CSF3: variants seen among roughly 807,000 people sequenced by gnomAD.
CSF3 encodes the protein granulocyte colony-stimulating factor.
In CSF3, 17 loss-of-function variants were observed where a neutral mutation model predicts 20.2. That is an observed-to-expected ratio of 0.84 (90% confidence interval 0.58 to 1.26). The LOEUF (loss-of-function observed/expected upper bound fraction) is 1.26, where lower values mean the gene tolerates loss of function less well. Ranked by LOEUF, CSF3 falls within the 50% of genes most tolerant of loss-of-function variation. The pLI, the probability that CSF3 is intolerant of heterozygous loss-of-function variation, is 0.00. For missense variants in CSF3, 210 were observed against 256.0 expected, an observed-to-expected ratio of 0.82 and a Z score of 1.23; for synonymous variants, 125 against 115.3, an observed-to-expected ratio of 1.08 and a Z score of -0.54.
rs1981450750 is a variant in CSF3 at position 40,017,103 on chromosome 17, G to A, written c.*144G>A. The A allele has an allele frequency of 5.2e-6, 4 of 769,576 alleles. No individual in the cohort carries two copies. The East Asian group carries it at 1.2e-4, about 23-fold the overall frequency. 47.7% of individuals were successfully genotyped at this position (769,576 alleles called of 1,614,324 possible). On this transcript the variant is annotated 3_prime_UTR_variant, in exon 5 of 5. Transcript: ENST00000394149. ...ATTTCTGAGTTTCATTCTCCTGCCT[G>A]TAGCAGTGAGAAAAAGCTCCTGTCC...
At position 40,016,938 on chromosome 17, in the gene CSF3, A is replaced by G. The variant is rs1465513159; in HGVS notation, c.594A>G (p.Leu198=). ...TCCTGGAGGTGTCGTACCGCGTTCT[A>G]CGCCACCTTGCCCAGCCCTGAGCCA... is the stretch of plus-strand genomic sequence containing the variant. ...QSFLEVSYRV[L]RHLAQP is the part of the protein sequence containing the mutation. The change falls in exon 5 of 5, where the codon CTA becomes CTG. Residue 198 remains leucine (L), a synonymous_variant. Coordinates refer to ENST00000394149, the MANE Select transcript of CSF3 (RefSeq NM_172219.3). The G allele has an allele frequency of 6.2e-7, 1 of 1,602,536 alleles. No individual in the cohort carries two copies. Among genetic ancestry groups the G allele is most frequent in the Non-Finnish European group, 8.5e-7 (1 of 1,173,572 alleles).
Position 40,016,970 on chromosome 17 carries a change from C to A in CSF3, c.*11C>A. The stretch of plus-strand genomic sequence containing the variant: ...CTTGCCCAGCCCTGAGCCAAGCCCT[C>A]CCCATCCCATGTATTTATCTCTATT... On this transcript the variant is annotated 3_prime_UTR_variant, in exon 5 of 5. Coordinates refer to ENST00000394149, the MANE Select transcript of CSF3 (RefSeq NM_172219.3). 1 of 1,547,992 alleles carries A rather than the reference C, an allele frequency of 6.5e-7. No homozygotes were observed. The highest frequency in any genetic ancestry group is 8.7e-7 in the Non-Finnish European group (1 of 1,149,040).
intron 3 of CSF3, 58 bp downstream of exon 3, chr17:40,016,398 A>G: frequency 3.7e-6 from 6 of 1,604,922 alleles, no homozygotes; most frequent in South Asian, 2.2e-5. Flanking sequence ...AGGAACACCC[A>G]TGGGCTCCCC....
In CSF3 at chr17:40,016,216, C is replaced by A; in HGVS notation, c.196-17C>A. On this transcript the variant is annotated splice_polypyrimidine_tract_variant and intron_variant, in intron 2 of 4. Coordinates refer to ENST00000394149, the MANE Select transcript of CSF3 (RefSeq NM_172219.3). ...CCCGGCCATGGCGAGTCTCACTCAG[C>A]ATCCTTCCATCCCCAGTGTGCCACC... is the stretch of plus-strand genomic sequence containing the variant. 2.0e-6 allele frequency: 3 copies of A among 1,523,968 alleles called. No individual in the cohort carries two copies. Among genetic ancestry groups the A allele is most frequent in the Middle Eastern group, 2.3e-4 (1 of 4,290 alleles). The allele number at this position is 1,523,968 out of a possible 1,614,324, so 94.4% of individuals were successfully genotyped here. A position where few individuals can be genotyped will look rare whatever the true frequency, so the allele number is the denominator to read the frequency against.
At chr17:40,016,690 G>C in intron 4 of CSF3, 59 bp downstream of exon 4, 1 of 1,610,278 alleles carries the variant, frequency 6.2e-7, no homozygotes, top group Non-Finnish European at 8.5e-7. Context: ...ACCACAGCCA[G>C]GCCTGTGTAT....
At position 40,015,677 on chromosome 17, in the gene CSF3, C is replaced by T. The variant is rs371935125; in HGVS notation, c.41-14C>T. 7.0e-6 allele frequency: 11 copies of T among 1,571,358 alleles called. No individual in the cohort carries two copies. In the Admixed American group the frequency reaches 7.2e-5, roughly 10 times the overall value. ...TAGGGAACAGCATGTCTCCTGAGCC[C>T]GCTCTGTCCCCAGCCCTGCAGCTGC... is the stretch of plus-strand genomic sequence containing the variant. On this transcript the variant is annotated splice_polypyrimidine_tract_variant and intron_variant, in intron 1 of 4. Transcript: ENST00000394149.
chr17:40,016,253 C>A lies in CSF3; in HGVS notation c.216C>A (p.Cys72Ter). The A allele has an allele frequency of 6.4e-7, 1 of 1,561,780 alleles. No homozygotes were observed. Among genetic ancestry groups the A allele is most frequent in the Admixed American group, 1.9e-5 (1 of 51,664 alleles). Reference protein sequence around the residue: ...QEKLCATYKLCHPEELVLLGH... With the variant: ...QEKLCATYKL ...CCCAGTGTGCCACCTACAAGCTGTG[C>A]CACCCCGAGGAGCTGGTGCTGCTCG... Residue 72 changes from cysteine to a stop codon, truncating the protein, a stop_gained, in exon 3 of 5, where the codon TGC becomes TGA. Transcript: ENST00000394149. LOFTEE classifies it high-confidence loss of function.
Position 40,015,717 on chromosome 17 carries a change from G to C in CSF3, c.67G>C (p.Ala23Pro). ...CCTGCAGCTGCTGCTGTGGCACAGT[G>C]CACTCTGGACAGTGCAGGAAGCCAC... is the stretch of plus-strand genomic sequence containing the variant. The part of the protein sequence containing the change: ...MALQLLLWHS[A>P]LWTVQEATPL... Residue 23 changes from alanine (A) to proline (P), a missense_variant, in exon 2 of 5, where the codon GCA becomes CCA. Ala to Pro is a conservative substitution (Grantham distance 27). Transcript: ENST00000394149. 6.3e-7 allele frequency: 1 copy of C among 1,591,932 alleles called. No individual in the cohort carries two copies.
In CSF3 at chr17:40,016,597, A is replaced by C; in HGVS notation, c.416A>C (p.Asp139Ala). The stretch of plus-strand genomic sequence containing the variant: ...CCCACCTTGGACACACTGCAGCTGG[A>C]CGTCGCCGACTTTGCCACCACCATC... ...LGPTLDTLQL[D>A]VADFATTIWQ... The change falls in exon 4 of 5, where the codon GAC becomes GCC. Residue 139 changes from aspartate to alanine, a missense_variant. By Grantham distance (126) the Asp-to-Ala change is moderately radical. Coordinates refer to ENST00000394149, the MANE Select transcript of CSF3 (RefSeq NM_172219.3). 6.2e-7 allele frequency: 1 copy of C among 1,614,152 alleles called. No individual in the cohort carries two copies. The highest frequency in any genetic ancestry group is 2.2e-5 in the East Asian group (1 of 44,884).
In CSF3 at chr17:40,015,759, A is replaced by T. The variant is rs962946209; in HGVS notation, c.109A>T (p.Ser37Cys). ...VQEATPLGPA[S>C]SLPQSFLLKC... is the part of the protein sequence containing the mutation. ...GGAAGCCACCCCCCTGGGCCCTGCC[A>T]GCTCCCTGCCCCAGAGCTTCCTGCT... Residue 37 changes from serine to cysteine, a missense_variant, in exon 2 of 5, where the codon AGC (serine) becomes TGC (cysteine). Ser to Cys is a moderately radical substitution (Grantham distance 112). Transcript: ENST00000394149. 3.1e-6 allele frequency: 5 copies of T among 1,604,360 alleles called. No homozygotes were observed. The highest frequency in any genetic ancestry group is 3.4e-6 in the Non-Finnish European group (4 of 1,175,240).
chr17:40,016,210 A>T, intron 2 of CSF3, 23 bp from the exon 3 acceptor site: 1 of 1,512,062 alleles, frequency 6.6e-7, no homozygotes, highest in Non-Finnish European at 8.9e-7. Flanking sequence ...GGCGAGTCTC[A>T]CTCAGCATCC....
intron 2 of CSF3, 129 bp downstream of exon 2, chr17:40,015,974 GC>G: frequency 7.3e-7 from 1 of 1,371,852 alleles, no homozygotes; most frequent in Non-Finnish European, 9.8e-7. Flanking sequence ...GCTGGGGAAG[GC>G]TGGGAAGGGA....
At position 40,017,110 on chromosome 17, in the gene CSF3, T is replaced by A; in HGVS notation, c.*151T>A. 2.8e-6 allele frequency: 2 copies of A among 725,266 alleles called. No homozygotes were observed. Among genetic ancestry groups the A allele is most frequent in the Non-Finnish European group, 2.1e-6 (1 of 474,994 alleles). 44.9% of individuals were successfully genotyped at this position (725,266 alleles called of 1,614,324 possible). On this transcript the variant is annotated 3_prime_UTR_variant, in exon 5 of 5. Coordinates refer to ENST00000394149, the MANE Select transcript of CSF3 (RefSeq NM_172219.3). ...AGTTTCATTCTCCTGCCTGTAGCAG[T>A]GAGAAAAAGCTCCTGTCCTCCCATC...
intron 2 of CSF3, 41 bp from the exon 3 acceptor site, chr17:40,016,192 C>G: frequency 6.9e-7 from 1 of 1,452,996 alleles, no homozygotes. Flanking sequence ...GAGCGGCGAC[C>G]CGGCCATGGC....
Position 40,017,186 on chromosome 17 carries a change from TG to T in CSF3, c.*228del, listed in dbSNP as rs1227317721. The T allele has an allele frequency of 2.3e-6, 1 of 433,678 alleles. No homozygotes were observed. Among genetic ancestry groups the T allele is most frequent in the Non-Finnish European group, 4.0e-6 (1 of 247,632 alleles). The allele number at this position is 433,678 out of a possible 1,614,324, so 26.9% of individuals were successfully genotyped here. ...AATACCAAGTATTTATTACTATGAC[TG>T]CTCCCCAGCCCTGGCTCTGCAATGG... On this transcript the variant is annotated 3_prime_UTR_variant, in exon 5 of 5. Transcript: ENST00000394149.
Position 40,016,619 on chromosome 17 carries a change from C to T in CSF3, c.438C>T (p.Thr146=), listed in dbSNP as rs773611963. The change falls in exon 4 of 5, where the codon ACC becomes ACT. Residue 146 remains threonine, a synonymous_variant. Coordinates refer to ENST00000394149, the MANE Select transcript of CSF3 (RefSeq NM_172219.3). ...LQLDVADFAT[T]IWQQMEELGM... is the part of the protein sequence containing the mutation. Reference sequence around the variant, plus strand: ...TGGACGTCGCCGACTTTGCCACCACCATCTGGCAGCAGGTGAGCCTTGTTG... The same window carrying T: ...TGGACGTCGCCGACTTTGCCACCACTATCTGGCAGCAGGTGAGCCTTGTTG... 1 of 1,614,148 alleles carries T rather than the reference C, an allele frequency of 6.2e-7. No individual in the cohort carries two copies. The highest frequency in any genetic ancestry group is 1.1e-5 in the South Asian group (1 of 91,082).
In CSF3 at chr17:40,015,797, G is replaced by A; in HGVS notation, c.147G>A (p.Glu49=). 6.2e-7 allele frequency: 1 copy of A among 1,611,822 alleles called. No individual in the cohort carries two copies. The highest frequency in any genetic ancestry group is 8.5e-7 in the Non-Finnish European group (1 of 1,178,956). Residue 49 remains glutamate, a synonymous_variant, in exon 2 of 5, where the codon GAG becomes GAA. Transcript: ENST00000394149. ...AGAGCTTCCTGCTCAAGTGCTTAGA[G>A]CAAGTGAGGAAGATCCAGGGCGATG... ...LPQSFLLKCL[E]QVRKIQGDGA...
intron 2 of CSF3, 65 bp from the exon 3 acceptor site, chr17:40,016,168 G>A: frequency 7.9e-7 from 1 of 1,259,532 alleles, no homozygotes; most frequent in Admixed American, 2.3e-5. Flanking sequence ...GAGAGTCGGG[G>A]AGGACCCGGG....
In CSF3 at chr17:40,017,051, G is replaced by C; in HGVS notation, c.*92G>C. On this transcript the variant is annotated 3_prime_UTR_variant, in exon 5 of 5. Transcript: ENST00000394149. ...TAAAGACAGGGAAGAGCAGAACGGA[G>C]CCCCAGGCCTCTGTGTCCTTCCCTG... 8.0e-7 allele frequency: 1 copy of C among 1,254,856 alleles called. No individual in the cohort carries two copies. The highest frequency in any genetic ancestry group is 1.1e-6 in the Non-Finnish European group (1 of 935,980). 77.7% of individuals were successfully genotyped at this position (1,254,856 alleles called of 1,614,324 possible).
Sources: allele counts gnomAD v4.1 joint callset, GRCh38; gene constraint gnomAD v4.1.1; transcripts MANE v1.5; gene names NCBI Gene and HGNC (gene_info 2026-07-23, HGNC 2026-07-21).